ST7: variants seen among roughly 807,000 people sequenced by gnomAD.
ST7 encodes the protein suppressor of tumorigenicity 7 protein.
ST7 carries 28 observed loss-of-function variants against 78.7 expected under a neutral mutation model. That is an observed-to-expected ratio of 0.36 (90% CI 0.26 to 0.49). The LOEUF (loss-of-function observed/expected upper bound fraction) is 0.49, where lower values mean the gene tolerates loss of function less well. Ranked by LOEUF, ST7 falls within the 20% of genes least tolerant of loss-of-function variation. The probability of loss-of-function intolerance (pLI) is 0.99; values close to 1 mark genes in which losing one functional copy is unlikely to be tolerated. For missense variants in ST7, 418 were observed against 696.0 expected (o/e 0.60, Z 4.49); for synonymous variants, 247 against 249.6 (o/e 0.99, Z 0.10).
intron 12 of ST7, among the ~76,000 whole-genome samples, chr7:117,205,995 G>A (rs527727888): frequency 6.6e-6 from 1 of 152,336 alleles, no homozygotes; most frequent in East Asian, 1.9e-4. Context: ...CTCTTGACAA[G>A]TAAGATGTGA....
chr7:117,031,020 G>T (rs1796447298), intron 1 of ST7, among the ~76,000 whole-genome samples: 1 of 152,068 alleles, frequency 6.6e-6, no homozygotes, highest in Non-Finnish European at 1.5e-5. Flanking sequence ...AAAAGAACAA[G>T]ATCATGTCCT....
In ST7 at chr7:116,969,044, G is replaced by A. The variant is rs913246581; in HGVS notation, c.151+15353G>A. ...GGGTGACCCATCATCCATATTTAAC[G>A]TTTGTTAACATTTCGCCACAAGTGT... On this transcript the variant is annotated intron_variant, in intron 1 of 15. Coordinates refer to ENST00000323984, the MANE Select transcript of ST7 (RefSeq NM_001369598.1). Among the ~76,000 whole-genome samples the A allele has an allele frequency of 6.6e-5, 10 of 152,318 alleles. 1 individual carries two copies. The highest frequency in any genetic ancestry group is 2.1e-4 in the South Asian group (1 of 4,830).
intron 10 of ST7, among the ~76,000 whole-genome samples, chr7:117,183,679 C>T (rs1024866393): frequency 1.3e-5 from 2 of 152,122 alleles, no homozygotes; most frequent in African/African-American, 4.8e-5. Flanking sequence ...TTCATGCAAC[C>T]ACTTTGGAAC....
chr7:117,175,358 C>A (rs1808273995), intron 10 of ST7, among the ~76,000 whole-genome samples: 1 of 152,164 alleles, frequency 6.6e-6, no homozygotes, highest in African/African-American at 2.4e-5. Context: ...ACTTAAGTCC[C>A]AAAGATTAGG....
intron 10 of ST7, among the ~76,000 whole-genome samples, chr7:117,171,641 C>T (rs536573913): frequency 3.2e-4 from 49 of 151,476 alleles, no homozygotes; most frequent in Admixed American, 9.9e-4. Flanking sequence ...AACTCTAATG[C>T]TCATATTGTC....
At chr7:116,987,548 G>T (rs1794239169) in intron 1 of ST7, among the ~76,000 whole-genome samples, 1 of 152,168 alleles carries the variant, frequency 6.6e-6, no homozygotes, top group South Asian at 2.1e-4. Flanking sequence ...GATTTTCCAT[G>T]AGATTGCTCT....
At chr7:117,031,172 A>G (rs1796454742) in intron 1 of ST7, among the ~76,000 whole-genome samples, 1 of 151,254 alleles carries the variant, frequency 6.6e-6, no homozygotes, top group Admixed American at 6.6e-5. Context: ...AATAACAAAC[A>G]CTGGGGCCTA....
chr7:117,105,062 T>G (rs1275982610), intron 2 of ST7, among the ~76,000 whole-genome samples: 2 of 152,100 alleles, frequency 1.3e-5, no homozygotes, highest in African/African-American at 4.8e-5. Flanking sequence ...GGGAGAATGA[T>G]TGAATCAGGG....
chr7:116,967,909 A>G (rs1793208912), intron 1 of ST7, among the ~76,000 whole-genome samples: 1 of 152,202 alleles, frequency 6.6e-6, no homozygotes, highest in South Asian at 2.1e-4. Flanking sequence ...TCATTTTCAT[A>G]GTTACATGTA....
At chr7:117,129,963 A>G (rs556288725) in intron 4 of ST7, 116 bp downstream of exon 4, 1 of 675,884 alleles carries the variant, frequency 1.5e-6, no homozygotes, top group East Asian at 2.9e-5. Flanking sequence ...TAGTGCGTCC[A>G]TTTTTTAATA....
chr7:116,962,487 G>C (rs1792883890), intron 1 of ST7, among the ~76,000 whole-genome samples: 1 of 152,276 alleles, frequency 6.6e-6, no homozygotes, highest in African/African-American at 2.4e-5. Context: ...ATTCTGACTG[G>C]TGTGAGATGG....
chr7:117,149,295 C>T (rs916926754), intron 9 of ST7, among the ~76,000 whole-genome samples: 2 of 152,148 alleles, frequency 1.3e-5, no homozygotes, highest in African/African-American at 4.8e-5. Flanking sequence ...ACTGCCTAAA[C>T]AGAGTAAAGA....
At chr7:117,083,037 C>CTATTT (rs1216460438) in intron 1 of ST7, among the ~76,000 whole-genome samples, 8 of 152,152 alleles carry the variant, frequency 5.3e-5, no homozygotes, top group Non-Finnish European at 7.4e-5. Context: ...CATTTTTCTG[C>CTATTT]TATTTTATTT....
At chr7:117,027,446 G>A (rs6964032) in intron 1 of ST7, among the ~76,000 whole-genome samples, 148,803 of 151,458 alleles carry the variant, frequency 0.98, 73,152 homozygotes, top group South Asian at 1. Flanking sequence ...TCTCAAAAGT[G>A]AAAAGTAAAG....
chr7:117,217,204 G>C (rs1792753152), intron 13 of ST7, among the ~76,000 whole-genome samples: 2 of 151,516 alleles, frequency 1.3e-5, no homozygotes, highest in South Asian at 4.2e-4. Context: ...GAAAACTGAG[G>C]GTTTATTTAT....
At chr7:117,193,431 A>G (rs902969010) in intron 12 of ST7, among the ~76,000 whole-genome samples, 3 of 152,120 alleles carry the variant, frequency 2.0e-5, no homozygotes, top group Non-Finnish European at 4.4e-5. Context: ...TTTCATAACA[A>G]CTCTGTGAGG....
At chr7:116,992,301 C>G (rs944359527) in intron 1 of ST7, among the ~76,000 whole-genome samples, 2 of 152,248 alleles carry the variant, frequency 1.3e-5, no homozygotes, top group Admixed American at 6.5e-5. Flanking sequence ...CCTATACCTG[C>G]AGTGAACTTC....
chr7:117,086,388 T>A (rs1800150382), intron 1 of ST7, among the ~76,000 whole-genome samples: 1 of 152,182 alleles, frequency 6.6e-6, no homozygotes, highest in Non-Finnish European at 1.5e-5. Flanking sequence ...CAATTACTGA[T>A]CCACCTCAAG....
rs58892731 is a variant in ST7 at position 117,152,177 on chromosome 7, C to CTATATATATA, written c.963+13682_963+13691dup. On this transcript the variant is annotated intron_variant, in intron 9 of 15. Transcript: ENST00000323984. ...AATATATGTATTATATATATAAAAA[C>CTATATATATA]TATATATATATATATATATATATAT... Among the ~76,000 whole-genome samples the CTATATATATA allele has an allele frequency of 9.1e-4, 61 of 66,834 alleles. 4 individuals are homozygous for CTATATATATA. Among genetic ancestry groups the CTATATATATA allele is most frequent in the Non-Finnish European group, 1.3e-3 (44 of 34,178 alleles). The allele number at this position is 66,834 out of a possible 152,430, so 43.8% of individuals were successfully genotyped here.
Sources: gnomAD v4.1 joint callset for allele counts (sites outside exome capture counted in the v4.1 genomes callset) on GRCh38, gnomAD v4.1.1 for gene constraint, MANE v1.5 for transcripts, NCBI Gene and HGNC (gene_info 2026-07-23, HGNC 2026-07-21) for gene names.